BEGAIN: variants seen among roughly 807,000 people sequenced by gnomAD.
The protein encoded by BEGAIN is brain-enriched guanylate kinase-associated protein.
In BEGAIN, 19 loss-of-function variants were observed where a neutral mutation model predicts 35.8. The observed-to-expected ratio is 0.53, with a 90% CI of 0.37 to 0.78. BEGAIN has a LOEUF of 0.78. Ranked by LOEUF, BEGAIN falls within the 30% of genes least tolerant of loss-of-function variation. BEGAIN has a pLI of 0.00. For synonymous variants in BEGAIN, 462 were observed against 388.6 expected (o/e 1.19, Z -2.22); for missense variants, 795 against 853.6 (o/e 0.93, Z 0.85).
At chr14:100,574,620 G>A (rs2035164042) in intron 1 of BEGAIN, among the ~76,000 whole-genome samples, 1 of 150,920 alleles carries the variant, frequency 6.6e-6, no homozygotes, top group South Asian at 2.1e-4. Flanking sequence ...AATTTTGGAA[G>A]ATCTGGCAAC....
rs894599076 is a variant in BEGAIN, at chr14:100,554,081, C to T, written c.72-7419G>A. Among the ~76,000 whole-genome samples the T allele has an allele frequency of 2.6e-5, 4 of 152,226 alleles. No individual in the cohort carries two copies. The East Asian group carries it at 5.8e-4, about 22-fold the overall frequency. The stretch of plus-strand genomic sequence containing the variant: ...TCCTGCTCCCCTGAAGCCCATGGGG[C>T]CCTGCCGGGCTGGGGGAGGACGGTC... On this transcript the variant is annotated intron_variant, in intron 2 of 6. Transcript: ENST00000554140.
At position 100,537,634 on chromosome 14, in the gene BEGAIN, G is replaced by C; in HGVS notation, c.*335C>G. 3.6e-6 allele frequency: 1 copy of C among 279,866 alleles called. No individual in the cohort carries two copies. Among genetic ancestry groups the C allele is most frequent in the Non-Finnish European group, 6.7e-6 (1 of 149,516 alleles). The allele number at this position is 279,866 out of a possible 1,614,324, so 17.3% of individuals were successfully genotyped here. ...GAAAACGCCAAGGCAGCCGTCCAGG[G>C]AGCTGGAGGCCAAGTGCGTTAAGAA... On this transcript the variant is annotated 3_prime_UTR_variant, in exon 7 of 7. Coordinates refer to ENST00000554140, the MANE Select transcript of BEGAIN (RefSeq NM_001385089.1).
rs556844082 is a variant in BEGAIN, at chr14:100,557,420, C to T, written c.71+10491G>A. Among the ~76,000 whole-genome samples, 18 of 152,324 alleles carry T rather than the reference C, an allele frequency of 1.2e-4. No homozygotes were observed. The South Asian group carries it at 3.3e-3, about 28-fold the overall frequency. On this transcript the variant is annotated intron_variant, in intron 2 of 6. Coordinates refer to ENST00000554140, the MANE Select transcript of BEGAIN (RefSeq NM_001385089.1). ...GGGGAGTCAGGTCCAGATCCCAGAC[C>T]CTCTGTGATGCCCGATGTGCTCCAT...
At chr14:100,545,310 A>AC in intron 3 of BEGAIN, 1 of 1,343,800 alleles carries the variant, frequency 7.4e-7, no homozygotes, top group South Asian at 1.8e-5. Context: ...CCACCCCGGG[A>AC]CCCCCTGAAG....
At chr14:100,550,026 T>G (rs2033019287) in intron 2 of BEGAIN, 1 of 161,624 alleles carries the variant, frequency 6.2e-6, no homozygotes, top group Admixed American at 6.4e-5. Context: ...CACCAGAATC[T>G]GGGGCTAACC....
chr14:100,570,083 G>A (rs1017271174), intron 1 of BEGAIN, among the ~76,000 whole-genome samples: 14 of 152,174 alleles, frequency 9.2e-5, no homozygotes, highest in Admixed American at 7.2e-4. Flanking sequence ...CACTGCTCAG[G>A]AGCCTTTCCC....
intron 2 of BEGAIN, among the ~76,000 whole-genome samples, chr14:100,564,967 C>T (rs1229155594): frequency 6.6e-6 from 1 of 152,220 alleles, no homozygotes; most frequent in East Asian, 1.9e-4. Flanking sequence ...CCTACCCATT[C>T]TTCATGCCTT....
intron 1 of BEGAIN, among the ~76,000 whole-genome samples, chr14:100,574,857 G>A (rs2035169138): frequency 6.6e-6 from 1 of 152,196 alleles, no homozygotes; most frequent in Non-Finnish European, 1.5e-5. Context: ...TGCATTGGGG[G>A]TGCTGTCATG....
In BEGAIN at chr14:100,573,923, G is replaced by A. The variant is rs1595149626; in HGVS notation, c.43-5984C>T. 1.3e-5 allele frequency among the ~76,000 whole-genome samples: 2 copies of A among 149,014 alleles called. No individual in the cohort carries two copies. The highest frequency in any genetic ancestry group is 2.2e-4 in the South Asian group (1 of 4,612). ...GGGGATCAGGAGGTGAGCAGGACCG[G>A]CCAAGGAGACTGGGAAAGGGTGGGT... On this transcript the variant is annotated intron_variant, in intron 1 of 6. Coordinates refer to ENST00000554140, the MANE Select transcript of BEGAIN (RefSeq NM_001385089.1). This position sits in a 1 kb window ranked among gnomAD's most constrained non-coding sequence, Gnocchi z 4.2.
At chr14:100,544,966 G>T (rs1489592041) in intron 4 of BEGAIN, 34 bp downstream of exon 4, 1 of 1,601,110 alleles carries the variant, frequency 6.2e-7, no homozygotes, top group Admixed American at 1.7e-5. Flanking sequence ...AGGAGGTGTG[G>T]GGTGGGGGAG....
At position 100,546,810 on chromosome 14, in the gene BEGAIN, ACACT is replaced by A. The variant is rs1292353481; in HGVS notation, c.72-152_72-149del. ...CACACACACACACACACACACACAC[ACACT>A]CACACACACCCAGCCTCCCGGGCGT... On this transcript the variant is annotated intron_variant, in intron 2 of 6. Transcript: ENST00000554140. The A allele has an allele frequency of 0.012, 7,053 of 568,108 alleles. 411 individuals carry two copies. The African/African-American group carries it at 0.16, about 13-fold the overall frequency. The allele number at this position is 568,108 out of a possible 1,614,324, so 35.2% of individuals were successfully genotyped here. A position where few individuals can be genotyped will look rare whatever the true frequency, so the allele number is the denominator to read the frequency against.
rs1028519448 is a variant in BEGAIN, at chr14:100,541,852, G to A, written c.409-1273C>T. ...GAGCAGCCGCAGCTGCTGGCTCGGG[G>A]AGGAAATGCTCACGGGACACTCTGG... On this transcript the variant is annotated intron_variant, in intron 5 of 6. Transcript: ENST00000554140. 3.9e-5 allele frequency among the ~76,000 whole-genome samples: 6 copies of A among 152,242 alleles called. No individual in the cohort carries two copies. The East Asian group carries it at 1.2e-3, about 29-fold the overall frequency.
intron 1 of BEGAIN, among the ~76,000 whole-genome samples, chr14:100,582,140 T>A (rs982280672): frequency 6.6e-6 from 1 of 152,168 alleles, no homozygotes; most frequent in African/African-American, 2.4e-5. Flanking sequence ...TTTTTTCCTT[T>A]CTTTCTTTTT....
At chr14:100,572,136 A>C (rs1290903542) in intron 1 of BEGAIN, among the ~76,000 whole-genome samples, 1 of 152,084 alleles carries the variant, frequency 6.6e-6, no homozygotes, top group South Asian at 2.1e-4. Context: ...TCCCTTCTTC[A>C]AGCCTGCCCC....
rs2034000412 is a variant in BEGAIN at position 100,558,951 on chromosome 14, A to T, written c.71+8960T>A. On this transcript the variant is annotated intron_variant, in intron 2 of 6. Transcript: ENST00000554140. The surrounding 1 kb of genome is among the most constrained non-coding windows in gnomAD (Gnocchi z 4.6). The stretch of plus-strand genomic sequence containing the variant: ...GGTGGGGCCAGGGCGCGTCCTGGAG[A>T]TTGGTGTGGCCGGAGCCTGGGGCCT... 6.6e-6 allele frequency among the ~76,000 whole-genome samples: 1 copy of T among 151,520 alleles called. No homozygotes were observed. Among genetic ancestry groups the T allele is most frequent in the Non-Finnish European group, 1.5e-5 (1 of 67,842 alleles).
At chr14:100,581,641 G>A (rs1317966815) in intron 1 of BEGAIN, among the ~76,000 whole-genome samples, 1 of 152,252 alleles carries the variant, frequency 6.6e-6, no homozygotes, top group African/African-American at 2.4e-5. Flanking sequence ...CAGGGTCTCA[G>A]AAAGGTGCAG....
At chr14:100,542,722 G>T (rs2031807903) in intron 5 of BEGAIN, among the ~76,000 whole-genome samples, 1 of 152,190 alleles carries the variant, frequency 6.6e-6, no homozygotes, top group African/African-American at 2.4e-5. Flanking sequence ...CCTCTGCCCA[G>T]TTCCACCGTC....
chr14:100,540,723 G>A lies in BEGAIN; in HGVS notation c.409-144C>T, dbSNP rs550738229. 1.3e-3 allele frequency: 820 copies of A among 613,078 alleles called. 3 individuals carry two copies. Among genetic ancestry groups the A allele is most frequent in the Admixed American group, 4.2e-3 (147 of 35,278 alleles). The allele number at this position is 613,078 out of a possible 1,614,324, so 38.0% of individuals were successfully genotyped here. A position where few individuals can be genotyped will look rare whatever the true frequency, so the allele number is the denominator to read the frequency against. ...AGGACAAGGACCCACTGCTGGCTCC[G>A]GCCCTCTCTGGCCTCCACACTCTTG... On this transcript the variant is annotated intron_variant, in intron 5 of 6. Coordinates refer to ENST00000554140, the MANE Select transcript of BEGAIN (RefSeq NM_001385089.1).
At chr14:100,555,294 G>A (rs1329622622) in intron 2 of BEGAIN, among the ~76,000 whole-genome samples, 3 of 152,354 alleles carry the variant, frequency 2.0e-5, no homozygotes, top group South Asian at 2.1e-4. Flanking sequence ...GGGCAGAATC[G>A]CCTCGCCTGG....
Sources: gnomAD v4.1 joint callset for allele counts (sites outside exome capture counted in the v4.1 genomes callset) on GRCh38, gnomAD v4.1.1 for gene constraint, Gnocchi (gnomAD v3.1) non-coding constraint, MANE v1.5 for transcripts, NCBI Gene and HGNC (gene_info 2026-07-23, HGNC 2026-07-21) for gene names.